Variants in PDE8B observed in about 807,000 individuals in gnomAD.
PDE8B encodes high affinity cAMP-specific and IBMX-insensitive 3',5'-cyclic phosphodiesterase 8B.
In PDE8B, 26 loss-of-function variants were observed where a neutral mutation model predicts 101.3. That is an observed-to-expected ratio of 0.26 (90% CI 0.19 to 0.36). PDE8B has a LOEUF of 0.36. Among genes scored for constraint, PDE8B ranks in the 10% least tolerant of loss-of-function variants. The pLI is 1.00. For synonymous variants in PDE8B, 424 were observed against 429.3 expected (o/e 0.99, Z 0.15); for missense variants, 810 against 1,163.1 (o/e 0.70, Z 4.42).
intron 2 of PDE8B, among the ~76,000 whole-genome samples, chr5:77,320,218 A>T (rs1332561315): frequency 6.6e-6 from 1 of 152,172 alleles, no homozygotes; most frequent in Non-Finnish European, 1.5e-5. Context: ...TGTACCCATC[A>T]CCCGAAAAGT....
chr5:77,293,847 T>C (rs1767919754), intron 1 of PDE8B, among the ~76,000 whole-genome samples: 1 of 152,242 alleles, frequency 6.6e-6, no homozygotes, highest in Admixed American at 6.5e-5. Flanking sequence ...AAGCATCTTC[T>C]TTGGTGAGGT....
intron 1 of PDE8B, among the ~76,000 whole-genome samples, chr5:77,285,193 A>G (rs1411697242): frequency 6.6e-6 from 1 of 152,332 alleles, no homozygotes; most frequent in African/African-American, 2.4e-5. Flanking sequence ...TGCCTGTATA[A>G]TCTTTTAGAA....
At chr5:77,097,300 C>T in the PDE8B span, among the ~76,000 whole-genome samples, 1 of 152,124 alleles carries the variant, frequency 6.6e-6, no homozygotes, top group African/African-American at 2.4e-5. Flanking sequence ...TGTGCTTCAT[C>T]AGAACCTCAG....
chr5:77,117,117 A>G, the PDE8B span, among the ~76,000 whole-genome samples: 1 of 152,064 alleles, frequency 6.6e-6, no homozygotes, highest in Non-Finnish European at 1.5e-5. Flanking sequence ...CCCTTCATCT[A>G]GATTGTTTGC....
chr5:77,319,660 A>ATCAACATAAATGAGGACAGCGG (rs1374993004), intron 2 of PDE8B, among the ~76,000 whole-genome samples: 1 of 152,268 alleles, frequency 6.6e-6, no homozygotes, highest in Non-Finnish European at 1.5e-5. Context: ...ATGCAAGTTC[A>ATCAACATAAATGAGGACAGCGG]TCAACATAAA....
At position 77,295,556 on chromosome 5, in the gene PDE8B, C is replaced by T. The variant is rs1580853022; in HGVS notation, c.340-16438C>T. Among the ~76,000 whole-genome samples, 4 of 152,160 alleles carry T rather than the reference C, an allele frequency of 2.6e-5. No homozygotes were observed. The East Asian group carries it at 7.7e-4, about 29-fold the overall frequency. On this transcript the variant is annotated intron_variant, in intron 1 of 21. Transcript: ENST00000264917. Reference sequence around the variant, plus strand: ...GGCTTGTGATTATTTCATATCCCTCCTTTTAAGAAGCCACACACCAATGCA... The same window carrying T: ...GGCTTGTGATTATTTCATATCCCTCTTTTTAAGAAGCCACACACCAATGCA...
rs173705 is a variant in PDE8B at position 77,259,079 on chromosome 5, C to G, written c.339+47815C>G. Among the ~76,000 whole-genome samples the G allele has an allele frequency of 1.4e-4, 11 of 78,488 alleles. 2 individuals are homozygous for G. The highest frequency in any genetic ancestry group is 4.3e-4 in the East Asian group (1 of 2,304). 51.5% of individuals were successfully genotyped at this position (78,488 alleles called of 152,430 possible). A position where few individuals can be genotyped will look rare whatever the true frequency, so the allele number is the denominator to read the frequency against. On this transcript the variant is annotated intron_variant, in intron 1 of 21. Transcript: ENST00000264917. Reference sequence around the variant, plus strand: ...ACACACACACACACACCCCCGCCCCCCCCCCACACACACACACGAATGTTT... The same window carrying G: ...ACACACACACACACACCCCCGCCCCGCCCCCACACACACACACGAATGTTT...
chr5:77,303,304 C>T (rs563046357), intron 1 of PDE8B, among the ~76,000 whole-genome samples: 1 of 152,186 alleles, frequency 6.6e-6, no homozygotes, highest in Admixed American at 6.5e-5. Context: ...CTTCGGGAGG[C>T]CAAGGTGGAT....
At position 77,349,501 on chromosome 5, in the gene PDE8B, G is replaced by A; in HGVS notation, c.959G>A (p.Ser320Asn). The A allele has an allele frequency of 6.2e-7, 1 of 1,614,130 alleles. No homozygotes were observed. The highest frequency in any genetic ancestry group is 8.5e-7 in the Non-Finnish European group (1 of 1,180,020). Residue 320 changes from serine (S) to asparagine (N), a missense_variant, in exon 8 of 22, where the codon AGC (serine) becomes AAC (asparagine). Physicochemically the swap from Ser to Asn is conservative, Grantham distance 46. Coordinates refer to ENST00000264917, the MANE Select transcript of PDE8B (RefSeq NM_003719.5). ...LGKELADLPKSDKNRADLLDT... is the reference protein window; with the variant it reads ...LGKELADLPKNDKNRADLLDT... ...AAAGAACTCGCTGATCTGCCCAAAA[G>A]CGATAAGAACCGGGCAGACCTTCTC...
intron 1 of PDE8B, among the ~76,000 whole-genome samples, chr5:77,260,885 T>C (rs566686819): frequency 6.6e-5 from 10 of 152,274 alleles, no homozygotes; most frequent in African/African-American, 2.4e-4. Flanking sequence ...CTGGCCACTG[T>C]GGCTCACTTC....
intron 10 of PDE8B, among the ~76,000 whole-genome samples, chr5:77,366,192 A>G (rs772875927): frequency 3.3e-5 from 5 of 152,120 alleles, no homozygotes; most frequent in Non-Finnish European, 7.3e-5. Flanking sequence ...TTGAAATTAG[A>G]AAAATTCACC....
intron 1 of PDE8B, among the ~76,000 whole-genome samples, chr5:77,269,752 T>G (rs963231494): frequency 6.6e-6 from 1 of 152,224 alleles, no homozygotes; most frequent in Non-Finnish European, 1.5e-5. Context: ...TATATATTCT[T>G]GGCACCTTTG....
chr5:77,371,914 T>C (rs1260744767), intron 10 of PDE8B, among the ~76,000 whole-genome samples: 1 of 152,192 alleles, frequency 6.6e-6, no homozygotes, highest in East Asian at 1.9e-4. Context: ...ATACAATTGA[T>C]TTTTTGCCGG....
chr5:77,427,415 AAAAG>A lies in PDE8B; in HGVS notation c.*862_*865del, dbSNP rs79579737. 3.2e-4 allele frequency: 48 copies of A among 150,128 alleles called. No homozygotes were observed. The highest frequency in any genetic ancestry group is 8.6e-4 in the South Asian group (4 of 4,660). The allele number at this position is 150,128 out of a possible 1,614,324, so 9.3% of individuals were successfully genotyped here. A position where few individuals can be genotyped will look rare whatever the true frequency, so the allele number is the denominator to read the frequency against. On this transcript the variant is annotated 3_prime_UTR_variant, in exon 22 of 22. Coordinates refer to ENST00000264917, the MANE Select transcript of PDE8B (RefSeq NM_003719.5). ...CAAGCTTTTCTTAAAAAAAAAAAAA[AAAAG>A]TTTATATACATGTTTAAAATTTTTA...
chr5:77,305,996 T>G (rs1376576883), intron 1 of PDE8B, among the ~76,000 whole-genome samples: 1 of 152,086 alleles, frequency 6.6e-6, no homozygotes, highest in Non-Finnish European at 1.5e-5. Flanking sequence ...TGGGGAAGAT[T>G]CAGACTCTGA....
At chr5:77,248,385 G>A (rs535185603) in intron 1 of PDE8B, among the ~76,000 whole-genome samples, 14 of 152,286 alleles carry the variant, frequency 9.2e-5, no homozygotes, top group Admixed American at 4.6e-4. Context: ...GAGTATAACT[G>A]CACTGAGAGG....
chr5:77,126,344 A>G, the PDE8B span, among the ~76,000 whole-genome samples: 3 of 152,310 alleles, frequency 2.0e-5, no homozygotes, highest in Admixed American at 6.5e-5. Flanking sequence ...ATTTGCCAAT[A>G]TACGTCATTT....
chr5:77,313,839 T>C (rs1773213884), intron 2 of PDE8B, among the ~76,000 whole-genome samples: 1 of 152,210 alleles, frequency 6.6e-6, no homozygotes, highest in African/African-American at 2.4e-5. Context: ...ATGATACATA[T>C]TTGTATACTC....
At chr5:77,334,103 CTG>C (rs768168395) in intron 5 of PDE8B, among the ~76,000 whole-genome samples, 2 of 152,242 alleles carry the variant, frequency 1.3e-5, no homozygotes, top group African/African-American at 2.4e-5. Context: ...GGGCAAAATC[CTG>C]TCTTTCACAA....
Sources: allele counts gnomAD v4.1 joint callset (sites outside exome capture counted in the v4.1 genomes callset), GRCh38; gene constraint gnomAD v4.1.1; transcripts MANE v1.5; gene names NCBI Gene and HGNC (gene_info 2026-07-23, HGNC 2026-07-21).